The following ABTB2 variants were observed in gnomAD, a reference collection of about 807,000 sequenced individuals.
The protein encoded by ABTB2 is ankyrin repeat and BTB domain containing 2.
A neutral mutation model predicts 104.1 loss-of-function variants in ABTB2; 56 were observed. That is an observed-to-expected ratio of 0.54 (90% CI 0.43 to 0.67). The LOEUF (loss-of-function observed/expected upper bound fraction) is 0.67, where lower values mean the gene tolerates loss of function less well. Among genes scored for constraint, ABTB2 ranks in the 30% least tolerant of loss-of-function variants. ABTB2 has a pLI of 0.00. For synonymous variants in ABTB2, 606 were observed against 608.2 expected, an observed-to-expected ratio of 1.00 and a Z score of 0.05; for missense variants, 1,279 against 1,407.7, an observed-to-expected ratio of 0.91 and a Z score of 1.46.
chr11:34,315,916 T>G (rs568514118), intron 1 of ABTB2, among the ~76,000 whole-genome samples: 1 of 152,312 alleles, frequency 6.6e-6, no homozygotes, highest in East Asian at 1.9e-4. Flanking sequence ...TGGCTTAGCA[T>G]AACTTCTTCA....
intron 1 of ABTB2, among the ~76,000 whole-genome samples, chr11:34,274,154 G>T (rs1203929877): frequency 1.3e-5 from 1 of 75,366 alleles, no homozygotes; most frequent in South Asian, 5.1e-4. Flanking sequence ...GCGAGACTCC[G>T]TCTCAAAAAA....
intron 7 of ABTB2, 49 bp downstream of exon 7, chr11:34,167,210 G>C: frequency 6.6e-7 from 1 of 1,526,684 alleles, no homozygotes; most frequent in East Asian, 2.4e-5. Context: ...TTGGGGCCCA[G>C]GTCACCTGGT....
At chr11:34,272,472 C>T (rs1367734716) in intron 1 of ABTB2, among the ~76,000 whole-genome samples, 1 of 151,888 alleles carries the variant, frequency 6.6e-6, no homozygotes, top group Non-Finnish European at 1.5e-5. Flanking sequence ...CTTTGGGAGG[C>T]CAAGGCAGGT....
intron 1 of ABTB2, among the ~76,000 whole-genome samples, chr11:34,293,038 T>C (rs1283487193): frequency 6.6e-6 from 1 of 152,032 alleles, no homozygotes; most frequent in East Asian, 1.9e-4. Context: ...TAGGAGGTCA[T>C]GGATGCAGTG....
chr11:34,234,365 C>T (rs1009609077), intron 1 of ABTB2, among the ~76,000 whole-genome samples: 1 of 152,206 alleles, frequency 6.6e-6, no homozygotes, highest in African/African-American at 2.4e-5. Flanking sequence ...CCTGGCCTTT[C>T]TAGAGCAGAG....
chr11:34,240,556 C>T (rs892921462), intron 1 of ABTB2, among the ~76,000 whole-genome samples: 30 of 152,246 alleles, frequency 2.0e-4, no homozygotes, highest in African/African-American at 6.3e-4. Context: ...TATCAAGAGG[C>T]CCCTGCTCCT....
chr11:34,198,694 T>C (rs1853297624), intron 2 of ABTB2, among the ~76,000 whole-genome samples: 1 of 152,200 alleles, frequency 6.6e-6, no homozygotes, highest in Non-Finnish European at 1.5e-5. Context: ...TAGGTCCCCA[T>C]ATCCTGTGAT....
At chr11:34,192,934 G>A (rs1590212485) in intron 3 of ABTB2, among the ~76,000 whole-genome samples, 1 of 152,326 alleles carries the variant, frequency 6.6e-6, no homozygotes, top group Middle Eastern at 3.4e-3. Flanking sequence ...TGGCAAGCGG[G>A]CGGCCCTCTT....
At chr11:34,257,145 G>A (rs1004190594) in intron 1 of ABTB2, among the ~76,000 whole-genome samples, 5 of 152,216 alleles carry the variant, frequency 3.3e-5, no homozygotes, top group Admixed American at 2.0e-4. Flanking sequence ...CCTATGGTCC[G>A]ATGAAGTGGG....
rs1186320672 is a variant in ABTB2 at position 34,151,176 on chromosome 11, ACCTGAGTGCCACCTTCTGAAATG to A, written c.*1188_*1210del. ...AAGCCCCTGGGGGCTTTTCAGGGTG[ACCTGAGTGCCACCTTCTGAAATG>A]CCTGGGGCTTTTGGTGAATAAATAG... On this transcript the variant is annotated 3_prime_UTR_variant, in exon 17 of 17. Coordinates refer to ENST00000435224, the MANE Select transcript of ABTB2 (RefSeq NM_145804.3). 1.3e-5 allele frequency: 2 copies of A among 152,634 alleles called. No homozygotes were observed. Among genetic ancestry groups the A allele is most frequent in the African/African-American group, 2.4e-5 (1 of 41,472 alleles). The allele number at this position is 152,634 out of a possible 1,614,324, so 9.5% of individuals were successfully genotyped here. A position where few individuals can be genotyped will look rare whatever the true frequency, so the allele number is the denominator to read the frequency against.
intron 11 of ABTB2, among the ~76,000 whole-genome samples, chr11:34,160,584 G>A (rs1017038572): frequency 1.3e-5 from 2 of 151,302 alleles, no homozygotes; most frequent in African/African-American, 4.9e-5. Flanking sequence ...CAGCCAGGCA[G>A]CGCAAGTCTA....
At chr11:34,243,923 C>A (rs1339221745) in intron 1 of ABTB2, among the ~76,000 whole-genome samples, 1 of 152,222 alleles carries the variant, frequency 6.6e-6, no homozygotes, top group Non-Finnish European at 1.5e-5. Flanking sequence ...GGCCAAGATC[C>A]CTCAGTACTC....
chr11:34,234,447 C>G (rs1020947768), intron 1 of ABTB2, among the ~76,000 whole-genome samples: 3 of 152,158 alleles, frequency 2.0e-5, no homozygotes, highest in Non-Finnish European at 4.4e-5. Context: ...CTGGGTTACT[C>G]TCACTGATAA....
At chr11:34,172,808 C>T (rs543965597) in intron 4 of ABTB2, among the ~76,000 whole-genome samples, 1 of 152,294 alleles carries the variant, frequency 6.6e-6, no homozygotes, top group African/African-American at 2.4e-5. Context: ...CATGTGGTGT[C>T]AATTACAGGA....
At chr11:34,170,636 G>A (rs561765739) in intron 5 of ABTB2, among the ~76,000 whole-genome samples, 3 of 152,208 alleles carry the variant, frequency 2.0e-5, no homozygotes, top group Non-Finnish European at 4.4e-5. Context: ...TCCCAGACTC[G>A]TTCCTAGCCT....
In ABTB2 at chr11:34,356,052, C is replaced by A. The variant is rs1256968033; in HGVS notation, c.883+649G>T. Reference sequence around the variant, plus strand: ...GGTCTCAGGAGACAATCTGTGGTTACTTTTCTGGGAAGGGGAGTCGGGGTC... The same window carrying A: ...GGTCTCAGGAGACAATCTGTGGTTAATTTTCTGGGAAGGGGAGTCGGGGTC... On this transcript the variant is annotated intron_variant, in intron 1 of 16. Transcript: ENST00000435224. The surrounding 1 kb of genome is among the most constrained non-coding windows in gnomAD (Gnocchi z 4.6). Among the ~76,000 whole-genome samples, 2 of 152,184 alleles carry A rather than the reference C, an allele frequency of 1.3e-5. No individual in the cohort carries two copies. Among genetic ancestry groups the A allele is most frequent in the African/African-American group, 2.4e-5 (1 of 41,448 alleles).
chr11:34,207,481 C>G (rs1347918282), intron 1 of ABTB2, among the ~76,000 whole-genome samples: 1 of 152,166 alleles, frequency 6.6e-6, no homozygotes, highest in African/African-American at 2.4e-5. Context: ...CAACTTTTGC[C>G]TAGTACCTTT....
chr11:34,250,005 C>T (rs891043072), intron 1 of ABTB2, among the ~76,000 whole-genome samples: 8 of 152,138 alleles, frequency 5.3e-5, no homozygotes, highest in Non-Finnish European at 8.8e-5. Flanking sequence ...GATCTGGTGA[C>T]ACCTTGAGCT....
chr11:34,252,708 T>C lies in ABTB2; in HGVS notation c.884-48018A>G, dbSNP rs1420980879. ...GGCTCCCCTACTTCAAATAATCCTC[T>C]CCTGTCTTATTTTCCACCTTCTACT... is the stretch of plus-strand genomic sequence containing the variant. On this transcript the variant is annotated intron_variant, in intron 1 of 16. Transcript: ENST00000435224. This position sits in a 1 kb window ranked among gnomAD's most constrained non-coding sequence, Gnocchi z 5.5. Among the ~76,000 whole-genome samples, 1 of 151,866 alleles carries C rather than the reference T, an allele frequency of 6.6e-6. No homozygotes were observed. Among genetic ancestry groups the C allele is most frequent in the Non-Finnish European group, 1.5e-5 (1 of 67,942 alleles).
Sources: allele counts gnomAD v4.1 joint callset (sites outside exome capture counted in the v4.1 genomes callset), GRCh38; gene constraint gnomAD v4.1.1; non-coding constraint Gnocchi (gnomAD v3.1); transcripts MANE v1.5; gene names NCBI Gene and HGNC (gene_info 2026-07-23, HGNC 2026-07-21).